Variants in PXDC1 observed in about 807,000 individuals in gnomAD.
PXDC1 encodes the protein PX domain-containing protein 1.
In PXDC1, 13 loss-of-function variants were observed where a neutral mutation model predicts 24.4. The ratio of observed to expected loss-of-function variants is 0.53; its 90% CI spans 0.35 to 0.85. The LOEUF (loss-of-function observed/expected upper bound fraction) is 0.85. PXDC1 is among the 40% of genes least tolerant of loss of function. The pLI, the probability that PXDC1 is intolerant of heterozygous loss-of-function variation, is 0.01. For missense variants in PXDC1, 344 were observed against 309.3 expected (o/e 1.11, Z -0.84); for synonymous variants, 162 against 124.9 (o/e 1.30, Z -1.98).
At chr6:3,740,489 G>A (rs1017718517) in intron 1 of PXDC1, among the ~76,000 whole-genome samples, 10 of 152,152 alleles carry the variant, frequency 6.6e-5, no homozygotes, top group African/African-American at 2.4e-4. Flanking sequence ...TATTTTATCT[G>A]CCTACGCTAT....
intron 3 of PXDC1, among the ~76,000 whole-genome samples, chr6:3,733,751 C>T (rs1760254991): frequency 6.6e-6 from 1 of 152,188 alleles, no homozygotes; most frequent in Non-Finnish European, 1.5e-5. Flanking sequence ...TTACGCAGCC[C>T]CAGATGTTAG....
chr6:3,738,844 A>T, intron 1 of PXDC1: 1 of 1,303,326 alleles, frequency 7.7e-7, no homozygotes, highest in Middle Eastern at 2.5e-4. Context: ...TCCCCATGAG[A>T]AGCGCAGAGC....
chr6:3,745,610 C>T (rs1007628698), intron 1 of PXDC1, among the ~76,000 whole-genome samples: 10 of 151,812 alleles, frequency 6.6e-5, no homozygotes, highest in Non-Finnish European at 1.3e-4. Flanking sequence ...ACTGTGTTCC[C>T]AGGTGGGGAG....
At position 3,751,322 on chromosome 6, in the gene PXDC1, G is replaced by A. The variant is rs747115722; in HGVS notation, c.210C>T (p.Ala70=). ...LGRLWQRLRD[A]FPEDRSELAQ... ...CCAGTTCGGACCGGTCCTCGGGAAAGGCGTCGCGCAGGCGCTGCCACAGGC... is the reference window on the plus strand; with the variant it reads ...CCAGTTCGGACCGGTCCTCGGGAAAAGCGTCGCGCAGGCGCTGCCACAGGC... The change falls in exon 1 of 5, where the codon GCC becomes GCT. Residue 70 remains alanine, a synonymous_variant. Coordinates refer to ENST00000380283, the MANE Select transcript of PXDC1 (RefSeq NM_183373.4). 1.9e-5 allele frequency: 30 copies of A among 1,549,354 alleles called. No homozygotes were observed. The highest frequency in any genetic ancestry group is 2.5e-5 in the Non-Finnish European group (29 of 1,152,378).
intron 1 of PXDC1, among the ~76,000 whole-genome samples, chr6:3,747,305 A>T (rs111263858): frequency 1.3e-5 from 2 of 152,014 alleles, no homozygotes; most frequent in African/African-American, 4.8e-5. Flanking sequence ...GCGTTTGCCC[A>T]CTTCTCCCAC....
intron 3 of PXDC1, among the ~76,000 whole-genome samples, chr6:3,731,506 T>G (rs991720075): frequency 3.3e-5 from 5 of 152,234 alleles, no homozygotes; most frequent in African/African-American, 1.2e-4. Flanking sequence ...TCAAGCTATT[T>G]TTTTACACTC....
chr6:3,737,220 TAA>T lies in PXDC1; in HGVS notation c.349-26_349-25del. On this transcript the variant is annotated intron_variant, in intron 2 of 4. Transcript: ENST00000380283. This position sits in a 1 kb window ranked among gnomAD's most constrained non-coding sequence, Gnocchi z 5.5. ...TACTGGGGAGAAATGCAGGGATTAC[TAA>T]AAACGATCAGCCTCTACACGTTGGC... 6.6e-7 allele frequency: 1 copy of T among 1,519,704 alleles called. No homozygotes were observed. The highest frequency in any genetic ancestry group is 9.1e-7 in the Non-Finnish European group (1 of 1,093,962). The allele number at this position is 1,519,704 out of a possible 1,614,324, so 94.1% of individuals were successfully genotyped here.
At chr6:3,736,399 C>T (rs1760317361) in intron 3 of PXDC1, among the ~76,000 whole-genome samples, 3 of 152,184 alleles carry the variant, frequency 2.0e-5, no homozygotes, top group Admixed American at 2.0e-4. Context: ...GGCAAGATCG[C>T]ACACAACTGT....
chr6:3,723,567 G>T lies in PXDC1; in HGVS notation c.*52C>A. On this transcript the variant is annotated 3_prime_UTR_variant, in exon 5 of 5. Transcript: ENST00000380283. ...ACCATGGGGGCCAGCACAGTGGACAGCATCAGAGCTGGCAGTGAACAGCTG... is the reference window on the plus strand; with the variant it reads ...ACCATGGGGGCCAGCACAGTGGACATCATCAGAGCTGGCAGTGAACAGCTG... 3.0e-6 allele frequency: 4 copies of T among 1,337,254 alleles called. No individual in the cohort carries two copies. Among genetic ancestry groups the T allele is most frequent in the Non-Finnish European group, 4.3e-6 (4 of 929,742 alleles). 82.8% of individuals were successfully genotyped at this position (1,337,254 alleles called of 1,614,324 possible).
chr6:3,731,225 G>C (rs893761316), intron 3 of PXDC1, among the ~76,000 whole-genome samples: 1 of 152,186 alleles, frequency 6.6e-6, no homozygotes, highest in African/African-American at 2.4e-5. Context: ...GGCTGAAATT[G>C]ATGAGTCCAA....
Position 3,737,033 on chromosome 6 carries a change from C to G in PXDC1, c.466+46G>C, listed in dbSNP as rs1272318854. 1.8e-6 allele frequency: 2 copies of G among 1,134,128 alleles called. No individual in the cohort carries two copies. The highest frequency in any genetic ancestry group is 2.7e-6 in the Non-Finnish European group (2 of 742,852). The allele number at this position is 1,134,128 out of a possible 1,614,324, so 70.3% of individuals were successfully genotyped here. On this transcript the variant is annotated intron_variant, in intron 3 of 4. Coordinates refer to ENST00000380283, the MANE Select transcript of PXDC1 (RefSeq NM_183373.4). The surrounding 1 kb of genome is among the most constrained non-coding windows in gnomAD (Gnocchi z 5.5). ...TGTGAGGGTTTCTGTGACATCTCAG[C>G]CTCAACAGCAGTCCCTCCCACCAAC...
At position 3,751,508 on chromosome 6, in the gene PXDC1, G is replaced by A. The variant is rs199672547; in HGVS notation, c.24C>T (p.Gly8=). 80 of 1,600,076 alleles carry A rather than the reference G, an allele frequency of 5.0e-5. No individual in the cohort carries two copies. The East Asian group carries it at 1.2e-3, about 23-fold the overall frequency. Residue 8 remains glycine (G), a synonymous_variant, in exon 1 of 5, where the codon GGC becomes GGT. Coordinates refer to ENST00000380283, the MANE Select transcript of PXDC1 (RefSeq NM_183373.4). Reference sequence around the variant, plus strand: ...GCACGAACATGTTCACGAGCGACGTGCCCTCAAACACCGCCGAGGCCATGT... The same window carrying A: ...GCACGAACATGTTCACGAGCGACGTACCCTCAAACACCGCCGAGGCCATGT... MASAVFE[G]TSLVNMFVRG...
rs1310224448 is a variant in PXDC1, at chr6:3,751,571, C to T, written c.-40G>A. On this transcript the variant is annotated 5_prime_UTR_variant, in exon 1 of 5. Transcript: ENST00000380283. Reference sequence around the variant, plus strand: ...CCCGCCAAGGGCTCCCCAGCCCCGCCGCCCGCCCGCCCGCAGGAGGCGCGC... The same window carrying T: ...CCCGCCAAGGGCTCCCCAGCCCCGCTGCCCGCCCGCCCGCAGGAGGCGCGC... The T allele has an allele frequency of 1.4e-6, 2 of 1,456,762 alleles. No homozygotes were observed. The highest frequency in any genetic ancestry group is 1.8e-6 in the Non-Finnish European group (2 of 1,107,992). The allele number at this position is 1,456,762 out of a possible 1,614,324, so 90.2% of individuals were successfully genotyped here.
At chr6:3,742,539 G>T (rs556860039) in intron 1 of PXDC1, among the ~76,000 whole-genome samples, 34 of 152,132 alleles carry the variant, frequency 2.2e-4, no homozygotes, top group Non-Finnish European at 3.5e-4. Context: ...GAGCCGCTTC[G>T]CTCGGGTCTT....
chr6:3,742,783 T>C (rs753467300), intron 1 of PXDC1, among the ~76,000 whole-genome samples: 2 of 152,174 alleles, frequency 1.3e-5, no homozygotes, highest in Non-Finnish European at 2.9e-5. Context: ...AACCAAAAAA[T>C]TGGTAACACA....
intron 3 of PXDC1, among the ~76,000 whole-genome samples, chr6:3,730,280 G>A (rs1026051286): frequency 6.6e-6 from 1 of 152,210 alleles, no homozygotes; most frequent in Non-Finnish European, 1.5e-5. Context: ...AGGCTACACA[G>A]CTGGCAGGTG....
In PXDC1 at chr6:3,722,631, TTTTA is replaced by T. The variant is rs1759965650; in HGVS notation, c.*984_*987del. The stretch of plus-strand genomic sequence containing the variant: ...GGACAGATCAAAGTAGAGTCATAGA[TTTTA>T]TTTAATTAAAATAGATTAAAAACAG... On this transcript the variant is annotated 3_prime_UTR_variant, in exon 5 of 5. Coordinates refer to ENST00000380283, the MANE Select transcript of PXDC1 (RefSeq NM_183373.4). The T allele has an allele frequency of 6.6e-6, 1 of 152,622 alleles. No individual in the cohort carries two copies. The highest frequency in any genetic ancestry group is 1.5e-5 in the Non-Finnish European group (1 of 68,038). 9.5% of individuals were successfully genotyped at this position (152,622 alleles called of 1,614,324 possible).
intron 3 of PXDC1, among the ~76,000 whole-genome samples, chr6:3,734,205 T>G (rs1760266230): frequency 6.6e-6 from 1 of 152,238 alleles, no homozygotes; most frequent in African/African-American, 2.4e-5. Flanking sequence ...GTGGGCCATG[T>G]GTTCATACAC....
chr6:3,738,950 C>A lies in PXDC1; in HGVS notation c.257-802G>T. 3.8e-6 allele frequency: 5 copies of A among 1,298,830 alleles called. No individual in the cohort carries two copies. The South Asian group carries it at 6.2e-5, about 16-fold the overall frequency. 80.5% of individuals were successfully genotyped at this position (1,298,830 alleles called of 1,614,324 possible). A position where few individuals can be genotyped will look rare whatever the true frequency, so the allele number is the denominator to read the frequency against. On this transcript the variant is annotated intron_variant, in intron 1 of 4. Transcript: ENST00000380283. ...GGCGTCTCCCCCACACTTGTGTGAC[C>A]GAGGCTGATGCAAACGTGCCTGTGA...
Sources: allele counts gnomAD v4.1 joint callset (sites outside exome capture counted in the v4.1 genomes callset), GRCh38; gene constraint gnomAD v4.1.1; non-coding constraint Gnocchi (gnomAD v3.1); transcripts MANE v1.5; gene names NCBI Gene and HGNC (gene_info 2026-07-23, HGNC 2026-07-21).